Variants in DOCK1 observed in about 807,000 individuals in gnomAD.
DOCK1 encodes the protein dedicator of cytokinesis 1.
Under a neutral mutation model 262.7 loss-of-function variants are expected in DOCK1, and 138 were observed. The observed-to-expected ratio is 0.53, with a 90% CI of 0.46 to 0.61. DOCK1 has a LOEUF of 0.61. Ranked by LOEUF, DOCK1 falls within the 20% of genes least tolerant of loss-of-function variation. The pLI, the probability that DOCK1 is intolerant of heterozygous loss-of-function variation, is 0.00. For missense variants in DOCK1, 1,908 were observed against 2,370.7 expected, an observed-to-expected ratio of 0.80 and a Z score of 4.05; for synonymous variants, 866 against 867.4, an observed-to-expected ratio of 1.00 and a Z score of 0.03.
chr10:127,120,087 G>T (rs968230892), intron 25 of DOCK1, among the ~76,000 whole-genome samples: 1 of 152,186 alleles, frequency 6.6e-6, no homozygotes, highest in Admixed American at 6.5e-5. Context: ...TTTGCATGGA[G>T]CCTGGCTACC....
chr10:127,075,246 A>G (rs1307201164), intron 23 of DOCK1, among the ~76,000 whole-genome samples: 4 of 144,562 alleles, frequency 2.8e-5, no homozygotes, highest in African/African-American at 1.0e-4. Context: ...AAGTTTTTTC[A>G]TGGTTTTTCT....
intron 4 of DOCK1, among the ~76,000 whole-genome samples, chr10:126,986,092 C>T (rs1464576035): frequency 3.3e-5 from 5 of 152,100 alleles, no homozygotes; most frequent in Non-Finnish European, 5.9e-5. Context: ...GATCCACCCA[C>T]CTCGGCCTCC....
intron 23 of DOCK1, among the ~76,000 whole-genome samples, chr10:127,068,758 CAT>C: frequency 6.6e-6 from 1 of 152,274 alleles, no homozygotes; most frequent in African/African-American, 2.4e-5. Context: ...TATATACACA[CAT>C]ATAAATGTAA....
chr10:126,924,905 A>G (rs940329281), intron 1 of DOCK1, among the ~76,000 whole-genome samples: 1 of 152,272 alleles, frequency 6.6e-6, no homozygotes, highest in Non-Finnish European at 1.5e-5. Flanking sequence ...TGTGGCATAC[A>G]TACTGTAGCA....
At chr10:127,149,858 A>G (rs948208394) in intron 27 of DOCK1, among the ~76,000 whole-genome samples, 1 of 152,148 alleles carries the variant, frequency 6.6e-6, no homozygotes, top group South Asian at 2.1e-4. Context: ...CATGGTGCAT[A>G]TGGAGAAGTG....
At chr10:126,981,442 C>T (rs909684198) in intron 3 of DOCK1, among the ~76,000 whole-genome samples, 1 of 152,192 alleles carries the variant, frequency 6.6e-6, no homozygotes, top group African/African-American at 2.4e-5. Context: ...GCCTGTCTTT[C>T]TGTATTTTAC....
intron 3 of DOCK1, among the ~76,000 whole-genome samples, chr10:126,980,034 TG>T (rs1337086234): frequency 1.3e-5 from 2 of 152,106 alleles, no homozygotes; most frequent in African/African-American, 2.4e-5. Flanking sequence ...AGACTGGGAC[TG>T]GTTTTTTGTT....
chr10:127,333,340 A>G (rs2063064710), intron 29 of DOCK1, among the ~76,000 whole-genome samples: 1 of 152,154 alleles, frequency 6.6e-6, no homozygotes, highest in Non-Finnish European at 1.5e-5. Context: ...CCTCTGTAGT[A>G]ATGAGGCTCC....
At chr10:127,323,852 C>T (rs1564992560) in intron 29 of DOCK1, among the ~76,000 whole-genome samples, 1 of 152,236 alleles carries the variant, frequency 6.6e-6, no homozygotes, top group African/African-American at 2.4e-5. Flanking sequence ...AGGAAGCCTG[C>T]TCCTCCCCTG....
At chr10:127,116,402 C>CTAAT (rs770912221) in intron 25 of DOCK1, among the ~76,000 whole-genome samples, 1 of 152,080 alleles carries the variant, frequency 6.6e-6, no homozygotes, top group Non-Finnish European at 1.5e-5. Context: ...ATGGTGGAAA[C>CTAAT]ATTAGTTACA....
intron 31 of DOCK1, among the ~76,000 whole-genome samples, chr10:127,353,282 A>G (rs1005663066): frequency 3.9e-5 from 6 of 152,154 alleles, no homozygotes; most frequent in Non-Finnish European, 7.4e-5. Flanking sequence ...ATCCTTTCCC[A>G]GCCCTGGCCG....
intron 29 of DOCK1, among the ~76,000 whole-genome samples, chr10:127,281,708 T>C (rs2060969214): frequency 6.6e-6 from 1 of 152,180 alleles, no homozygotes; most frequent in South Asian, 2.1e-4. Context: ...GCAGGGTTGA[T>C]CTGTGCTCAT....
chr10:127,044,201 T>G (rs1486885640), intron 21 of DOCK1, among the ~76,000 whole-genome samples: 1 of 152,138 alleles, frequency 6.6e-6, no homozygotes, highest in Non-Finnish European at 1.5e-5. Context: ...AAAATACCTG[T>G]TTTTCCTCCC....
intron 27 of DOCK1, among the ~76,000 whole-genome samples, chr10:127,224,039 C>T (rs1187984165): frequency 1.3e-5 from 2 of 152,140 alleles, no homozygotes; most frequent in African/African-American, 4.8e-5. Flanking sequence ...GTTAGTGACT[C>T]ACAGCAAAAA....
intron 27 of DOCK1, among the ~76,000 whole-genome samples, chr10:127,140,665 G>A (rs531898251): frequency 1.3e-5 from 2 of 152,282 alleles, no homozygotes; most frequent in Admixed American, 6.5e-5. Context: ...TTGACACACC[G>A]AGTCTCTGGG....
At chr10:127,226,222 G>A (rs1267804259) in intron 27 of DOCK1, among the ~76,000 whole-genome samples, 1 of 152,094 alleles carries the variant, frequency 6.6e-6, no homozygotes, top group African/African-American at 2.4e-5. Flanking sequence ...CAAGTTGAAT[G>A]ATTATGCATA....
At chr10:127,451,154 G>A (rs1203535376) in intron 51 of DOCK1, among the ~76,000 whole-genome samples, 178 bp from the exon 52 acceptor site, 4 of 152,148 alleles carry the variant, frequency 2.6e-5, no homozygotes, top group Non-Finnish European at 4.4e-5. Context: ...GCCCATAGCA[G>A]CCCAGTCTTG....
chr10:127,216,070 G>C (rs116565330), intron 27 of DOCK1, among the ~76,000 whole-genome samples: 7 of 152,170 alleles, frequency 4.6e-5, no homozygotes, highest in African/African-American at 1.4e-4. Flanking sequence ...TGCCAGGACC[G>C]GGCCTTCACT....
At chr10:126,982,014 C>T (rs767364335) in intron 4 of DOCK1, 41 bp downstream of exon 4, 1 of 1,603,630 alleles carries the variant, frequency 6.2e-7, no homozygotes, top group African/African-American at 1.3e-5. Context: ...ATTGCAAGTA[C>T]TATATTTGGC....
Sources: allele counts gnomAD v4.1 joint callset (sites outside exome capture counted in the v4.1 genomes callset), GRCh38; gene constraint gnomAD v4.1.1; transcripts MANE v1.5; gene names NCBI Gene and HGNC (gene_info 2026-07-23, HGNC 2026-07-21).